The following GPM6A variants were observed in gnomAD, a reference collection of about 807,000 sequenced individuals.
The protein encoded by GPM6A is glycoprotein M6A, also known as neuronal membrane glycoprotein M6-a.
In GPM6A, 7 loss-of-function variants were observed where a neutral mutation model predicts 32.1. The observed-to-expected ratio is 0.22, with a 90% CI of 0.12 to 0.41. The LOEUF (loss-of-function observed/expected upper bound fraction) is 0.41. Among genes scored for constraint, GPM6A ranks in the 10% least tolerant of loss-of-function variants. The probability of loss-of-function intolerance (pLI) is 1.00; values close to 1 mark genes in which losing one functional copy is unlikely to be tolerated. For missense variants in GPM6A, 235 were observed against 347.2 expected (o/e 0.68, Z 2.57); for synonymous variants, 130 against 123.4 (o/e 1.05, Z -0.35).
chr4:175,707,932 A>G (rs1745297719), intron 1 of GPM6A, among the ~76,000 whole-genome samples: 1 of 152,152 alleles, frequency 6.6e-6, no homozygotes, highest in Admixed American at 6.5e-5. Flanking sequence ...TTTCTAATGT[A>G]AGTGAAACTT....
chr4:175,646,710 C>T (rs761025464), intron 4 of GPM6A, among the ~76,000 whole-genome samples: 1 of 152,154 alleles, frequency 6.6e-6, no homozygotes, highest in Non-Finnish European at 1.5e-5. Flanking sequence ...GGTCTTAAAA[C>T]TTGAAATTTA....
intron 1 of GPM6A, among the ~76,000 whole-genome samples, chr4:175,721,304 C>T (rs916997961): frequency 6.6e-6 from 1 of 151,342 alleles, no homozygotes; most frequent in Non-Finnish European, 1.5e-5. Context: ...AGTGAAACCC[C>T]GTCTTTACTA....
chr4:175,644,293 C>T (rs1741328735), intron 4 of GPM6A, among the ~76,000 whole-genome samples: 2 of 151,776 alleles, frequency 1.3e-5, no homozygotes, highest in Admixed American at 6.6e-5. Context: ...GAAACTTGCC[C>T]CGGTATCTTA....
At chr4:175,855,308 T>G (rs1282421165) in intron 1 of GPM6A, among the ~76,000 whole-genome samples, 2 of 152,218 alleles carry the variant, frequency 1.3e-5, no homozygotes, top group Admixed American at 1.3e-4. Flanking sequence ...ATAGTCCAAA[T>G]GTTCAAAAGT....
At chr4:175,801,353 A>C (rs1052221705) in intron 1 of GPM6A, among the ~76,000 whole-genome samples, 5 of 29,204 alleles carry the variant, frequency 1.7e-4, no homozygotes, top group Non-Finnish European at 4.1e-4. Context: ...TATAGGTATT[A>C]ATTAATAGGT....
chr4:175,818,110 G>A (rs1389373523), intron 1 of GPM6A, among the ~76,000 whole-genome samples: 4 of 152,154 alleles, frequency 2.6e-5, no homozygotes, highest in Non-Finnish European at 5.9e-5. Context: ...TTTACAACTG[G>A]TGAATGCTTT....
chr4:175,798,665 T>A (rs951355702), intron 1 of GPM6A: 12 of 152,228 alleles, frequency 7.9e-5, no homozygotes, highest in African/African-American at 2.9e-4. Context: ...CATAACTCTT[T>A]TACTGACTAT....
chr4:175,862,339 C>T (rs919530549), intron 1 of GPM6A, among the ~76,000 whole-genome samples: 1 of 152,182 alleles, frequency 6.6e-6, no homozygotes, highest in African/African-American at 2.4e-5. Flanking sequence ...TGTCTTCTAA[C>T]AGTATAGTAG....
intron 1 of GPM6A, among the ~76,000 whole-genome samples, chr4:175,715,553 T>A (rs745384143): frequency 2.6e-5 from 4 of 152,088 alleles, no homozygotes; most frequent in Non-Finnish European, 4.4e-5. Flanking sequence ...GGAGAGGGGA[T>A]GGGAGGAAGA....
At chr4:175,711,918 T>G (rs1745576611) in intron 1 of GPM6A, among the ~76,000 whole-genome samples, 1 of 135,482 alleles carries the variant, frequency 7.4e-6, no homozygotes, top group Non-Finnish European at 1.6e-5. Context: ...ACAAGAACAG[T>G]TTTTTCCTAC....
intron 1 of GPM6A, among the ~76,000 whole-genome samples, chr4:175,735,015 G>A (rs1320700821): frequency 2.6e-5 from 4 of 152,154 alleles, no homozygotes; most frequent in Non-Finnish European, 5.9e-5. Flanking sequence ...TAAATGTCAT[G>A]AAACCATATT....
chr4:175,997,911 A>C (rs1426793558), intron 1 of GPM6A, among the ~76,000 whole-genome samples: 1 of 152,176 alleles, frequency 6.6e-6, no homozygotes, highest in Non-Finnish European at 1.5e-5. Context: ...AGTACGTATC[A>C]TGCAGTTGGC....
At chr4:175,881,043 A>T (rs894419121) in intron 1 of GPM6A, among the ~76,000 whole-genome samples, 1 of 152,192 alleles carries the variant, frequency 6.6e-6, no homozygotes, top group Non-Finnish European at 1.5e-5. Flanking sequence ...AACTACCATC[A>T]GAGTGAACAG....
chr4:175,691,556 T>C (rs188769005), intron 2 of GPM6A, among the ~76,000 whole-genome samples: 23 of 152,326 alleles, frequency 1.5e-4, no homozygotes, highest in East Asian at 7.7e-4. Context: ...TTTAAATCAA[T>C]ATATTATGAA....
intron 1 of GPM6A, among the ~76,000 whole-genome samples, chr4:175,872,209 G>A (rs895831475): frequency 3.3e-5 from 5 of 152,076 alleles, no homozygotes; most frequent in African/African-American, 1.2e-4. Flanking sequence ...TCAGGGTGTG[G>A]CTCATGCCTT....
intron 1 of GPM6A, among the ~76,000 whole-genome samples, chr4:175,978,730 A>G (rs1032575297): frequency 6.6e-6 from 1 of 152,208 alleles, no homozygotes; most frequent in Non-Finnish European, 1.5e-5. Context: ...AGGTTTTTCA[A>G]AAAATACCAA....
At chr4:176,000,424 T>C (rs1359148955) in intron 1 of GPM6A, among the ~76,000 whole-genome samples, 2 of 152,228 alleles carry the variant, frequency 1.3e-5, no homozygotes, top group African/African-American at 4.8e-5. Context: ...GGGATGATTG[T>C]TAATTATCCA....
At chr4:175,945,063 A>G (rs1045330500) in intron 1 of GPM6A, among the ~76,000 whole-genome samples, 2 of 151,790 alleles carry the variant, frequency 1.3e-5, no homozygotes, top group Non-Finnish European at 3.0e-5. Context: ...GCCTTTTGAG[A>G]AAAGGGTGTT....
At chr4:175,761,613 G>T (rs536560613) in intron 1 of GPM6A, among the ~76,000 whole-genome samples, 7 of 151,854 alleles carry the variant, frequency 4.6e-5, no homozygotes, top group African/African-American at 1.7e-4. Context: ...TAATTATTTG[G>T]ACATCTATAA....
Sources: allele counts gnomAD v4.1 joint callset (sites outside exome capture counted in the v4.1 genomes callset), GRCh38; gene constraint gnomAD v4.1.1; transcripts MANE v1.5; gene names NCBI Gene and HGNC (gene_info 2026-07-23, HGNC 2026-07-21).